Variants in ARRB1 observed in about 807,000 individuals in gnomAD.
The protein encoded by ARRB1 is beta-arrestin-1.
Under a neutral mutation model 56.8 loss-of-function variants are expected in ARRB1, and 21 were observed. The ratio of observed to expected loss-of-function variants is 0.37; its 90% CI spans 0.26 to 0.53. ARRB1 has a LOEUF of 0.53. Ranked by LOEUF, ARRB1 falls within the 20% of genes least tolerant of loss-of-function variation. The probability of loss-of-function intolerance (pLI) is 0.88; values close to 1 mark genes in which losing one functional copy is unlikely to be tolerated. For synonymous variants in ARRB1, 210 were observed against 218.6 expected (o/e 0.96, Z 0.35); for missense variants, 424 against 553.7 (o/e 0.77, Z 2.35).
At chr11:75,276,951 T>A in intron 9 of ARRB1, 40 bp from the exon 10 acceptor site, 1 of 1,604,206 alleles carries the variant, frequency 6.2e-7, no homozygotes, top group Non-Finnish European at 8.5e-7. Context: ...GAGTCGGGAA[T>A]GTAGCTCCCA....
At chr11:75,340,924 T>C (rs1281677148) in intron 1 of ARRB1, among the ~76,000 whole-genome samples, 2 of 152,026 alleles carry the variant, frequency 1.3e-5, no homozygotes, top group Non-Finnish European at 1.5e-5. Flanking sequence ...AGCACCACAC[T>C]GCTGCTGCTG....
intron 1 of ARRB1, chr11:75,303,663 G>C (rs1181092776): frequency 2.2e-6 from 1 of 456,180 alleles, no homozygotes; most frequent in Admixed American, 2.3e-5. Context: ...GCAGCGGAAG[G>C]CAGACACTCA....
intron 1 of ARRB1, among the ~76,000 whole-genome samples, chr11:75,300,667 T>C (rs1252050430): frequency 6.6e-6 from 1 of 151,614 alleles, no homozygotes; most frequent in Non-Finnish European, 1.5e-5. Context: ...CCATCTCGAC[T>C]AAAAATACAA....
chr11:75,330,860 C>A (rs1247110115), intron 1 of ARRB1, among the ~76,000 whole-genome samples: 1 of 152,204 alleles, frequency 6.6e-6, no homozygotes, highest in Non-Finnish European at 1.5e-5. Flanking sequence ...GGCAGCTGGG[C>A]TGAAAGTTGA....
chr11:75,278,843 T>C (rs2140417592), intron 7 of ARRB1, 99 bp from the exon 8 acceptor site: 2 of 1,474,890 alleles, frequency 1.4e-6, no homozygotes, highest in Admixed American at 2.1e-5. Flanking sequence ...GAGACTGGCA[T>C]GGCTCTCCAT....
intron 1 of ARRB1, among the ~76,000 whole-genome samples, chr11:75,308,133 CCA>C (rs1401306302): frequency 1.3e-5 from 2 of 152,266 alleles, no homozygotes; most frequent in African/African-American, 4.8e-5. Flanking sequence ...CAAGCAACTT[CCA>C]CAGTCATCTT....
intron 1 of ARRB1, among the ~76,000 whole-genome samples, chr11:75,296,560 C>A (rs1322264769): frequency 6.6e-6 from 1 of 152,128 alleles, no homozygotes; most frequent in African/African-American, 2.4e-5. Context: ...TCCCAGTGTC[C>A]CTTTGTGCCT....
intron 1 of ARRB1, among the ~76,000 whole-genome samples, chr11:75,342,613 G>A (rs1947707517): frequency 6.6e-6 from 1 of 152,136 alleles, no homozygotes; most frequent in Non-Finnish European, 1.5e-5. Context: ...AGACCCAGAT[G>A]TCCATCCTAA....
chr11:75,300,746 C>T (rs1320738982), intron 1 of ARRB1, among the ~76,000 whole-genome samples: 1 of 151,464 alleles, frequency 6.6e-6, no homozygotes, highest in East Asian at 1.9e-4. Flanking sequence ...GCGGGCGGAT[C>T]ACGAGGTCAG....
rs1016837188 is a variant in ARRB1 at position 75,262,983 on chromosome 11, C to A, written c.*3180G>T. Among the ~76,000 whole-genome samples the A allele has an allele frequency of 1.3e-5, 2 of 152,224 alleles. No individual in the cohort carries two copies. Among genetic ancestry groups the A allele is most frequent in the African/African-American group, 4.8e-5 (2 of 41,454 alleles). On this transcript the variant is annotated 3_prime_UTR_variant, in exon 16 of 16. Coordinates refer to ENST00000420843, the MANE Select transcript of ARRB1 (RefSeq NM_004041.5). ...TGGAATGCTGAGGAGGTCCCGCTGG[C>A]TCTCTGCTCGGTGGGTTTTCACCGG...
intron 1 of ARRB1, among the ~76,000 whole-genome samples, chr11:75,323,577 G>A (rs1041673957): frequency 2.6e-5 from 4 of 152,096 alleles, no homozygotes; most frequent in Non-Finnish European, 4.4e-5. Flanking sequence ...CCCAGATCAC[G>A]CCACTGCACT....
At position 75,276,866 on chromosome 11, in the gene ARRB1, T is replaced by G; in HGVS notation, c.749A>C (p.Lys250Thr). 1 of 1,614,120 alleles carries G rather than the reference T, an allele frequency of 6.2e-7. No individual in the cohort carries two copies. The highest frequency in any genetic ancestry group is 8.5e-7 in the Non-Finnish European group (1 of 1,179,974). Residue 250 changes from lysine to threonine, a missense_variant, in exon 10 of 16, where the codon AAG becomes ACG. Around this residue, in one of 3 missense-constraint regions of ARRB1, gnomAD observed 301 missense variants for 387.9 expected, o/e 0.78. Coordinates refer to ENST00000420843, the MANE Select transcript of ARRB1 (RefSeq NM_004041.5). ...AGCCTCTTCCATGGCAACAGGGCACTTGTACTGAGCTGTGTTGAAAAGGCA... is the reference window on the plus strand; with the variant it reads ...AGCCTCTTCCATGGCAACAGGGCACGTGTACTGAGCTGTGTTGAAAAGGCA... The part of the protein sequence containing the change: ...DICLFNTAQY[K>T]CPVAMEEADD...
At chr11:75,338,733 G>T (rs1262339760) in intron 1 of ARRB1, among the ~76,000 whole-genome samples, 1 of 152,134 alleles carries the variant, frequency 6.6e-6, no homozygotes, top group Non-Finnish European at 1.5e-5. Flanking sequence ...AAACGACAAC[G>T]CATATTAATC....
At chr11:75,275,116 A>ATATTTTATTTTATTTTATTTTATTTT (rs1257066994) in intron 10 of ARRB1, among the ~76,000 whole-genome samples, 2 of 53,660 alleles carry the variant, frequency 3.7e-5, no homozygotes, top group Admixed American at 2.1e-4. Context: ...AAACAAATTT[A>ATATTTTATTTTATTTTATTTTATTTT]ATTTAAATTT....
At chr11:75,333,711 C>A (rs771106798) in intron 1 of ARRB1, among the ~76,000 whole-genome samples, 4 of 152,134 alleles carry the variant, frequency 2.6e-5, no homozygotes, top group Admixed American at 6.5e-5. Context: ...GATTATGTAA[C>A]CGTCTCTAGG....
intron 3 of ARRB1, among the ~76,000 whole-genome samples, chr11:75,286,255 CTTTTTTTTTTT>C (rs60988072): frequency 0.015 from 584 of 38,790 alleles, 8 homozygotes; most frequent in African/African-American, 0.058. Context: ...ATTTGCTCAT[CTTTTTTTTTTT>C]TTTTTTTTTT....
chr11:75,313,556 C>T (rs1472677097), intron 1 of ARRB1, among the ~76,000 whole-genome samples: 1 of 152,126 alleles, frequency 6.6e-6, no homozygotes, highest in Non-Finnish European at 1.5e-5. Flanking sequence ...CAGCTGGGCC[C>T]TTCCAGATCC....
rs562028496 is a variant in ARRB1 at position 75,283,549 on chromosome 11, G to A, written c.158-66C>T. The A allele has an allele frequency of 6.4e-5, 94 of 1,467,712 alleles. No homozygotes were observed. In the African/African-American group the frequency reaches 1.1e-3, roughly 16 times the overall value. 90.9% of individuals were successfully genotyped at this position (1,467,712 alleles called of 1,614,324 possible). ...CAGCAAGCGAGCCCCCCAGAGTGCCGGCAGCAGCCCTGGGACGGGCCCCAC... is the reference window on the plus strand; with the variant it reads ...CAGCAAGCGAGCCCCCCAGAGTGCCAGCAGCAGCCCTGGGACGGGCCCCAC... On this transcript the variant is annotated intron_variant, in intron 4 of 15. Coordinates refer to ENST00000420843, the MANE Select transcript of ARRB1 (RefSeq NM_004041.5).
intron 1 of ARRB1, among the ~76,000 whole-genome samples, chr11:75,330,747 GC>G (rs1947507827): frequency 6.6e-6 from 1 of 152,128 alleles, no homozygotes; most frequent in Non-Finnish European, 1.5e-5. Context: ...CTTGTTCCAG[GC>G]CCGGCTGAGC....
Sources: allele counts gnomAD v4.1 joint callset (sites outside exome capture counted in the v4.1 genomes callset), GRCh38; gene constraint gnomAD v4.1.1; regional missense constraint gnomAD v4.1.1; transcripts MANE v1.5; gene names NCBI Gene and HGNC (gene_info 2026-07-23, HGNC 2026-07-21).